Variants in PRKAR1B observed in about 807,000 individuals in gnomAD.
PRKAR1B encodes protein kinase cAMP-dependent type I regulatory subunit beta, also known as cAMP-dependent protein kinase type I-beta regulatory subunit.
A neutral mutation model predicts 46.5 loss-of-function variants in PRKAR1B; 22 were observed. The ratio of observed to expected loss-of-function variants is 0.47; its 90% CI spans 0.34 to 0.68. The LOEUF is 0.68. PRKAR1B is among the 30% of genes least tolerant of loss of function. PRKAR1B has a pLI of 0.01. For missense variants in PRKAR1B, 445 were observed against 535.6 expected (o/e 0.83, Z 1.67); for synonymous variants, 259 against 217.7 (o/e 1.19, Z -1.67).
intron 2 of PRKAR1B, among the ~76,000 whole-genome samples, chr7:692,321 A>G (rs1272303223): frequency 6.6e-6 from 1 of 152,196 alleles, no homozygotes; most frequent in East Asian, 1.9e-4. Flanking sequence ...AATCGATTGA[A>G]CCCAGGAGGT....
chr7:588,812 C>G (rs140440793), intron 7 of PRKAR1B, among the ~76,000 whole-genome samples: 1,573 of 8,112 alleles, frequency 0.19, 4 homozygotes, highest in East Asian at 0.26. Context: ...CAGTGGTGAT[C>G]ACGATGATGG....
chr7:702,083 C>A (rs771374845), intron 2 of PRKAR1B, among the ~76,000 whole-genome samples: 9 of 152,048 alleles, frequency 5.9e-5, no homozygotes, highest in Non-Finnish European at 1.0e-4. Flanking sequence ...ATGATACGTA[C>A]AACAACCAGA....
At chr7:711,580 G>C in intron 1 of PRKAR1B, 53 bp from the exon 2 acceptor site, 1 of 1,521,682 alleles carries the variant, frequency 6.6e-7, no homozygotes, top group Non-Finnish European at 9.0e-7. Flanking sequence ...GGGGCTGCGC[G>C]CCGGATAAAC....
chr7:726,677 T>A, intron 1 of PRKAR1B: 1 of 1,213,404 alleles, frequency 8.2e-7, no homozygotes, highest in Non-Finnish European at 1.0e-6. Context: ...GCGCTGAGAG[T>A]CGCGAAAGCG....
intron 9 of PRKAR1B, among the ~76,000 whole-genome samples, chr7:561,202 A>C (rs900810470): frequency 7.3e-5 from 11 of 150,496 alleles, no homozygotes; most frequent in African/African-American, 2.2e-4. Flanking sequence ...CACACCCCAC[A>C]CACATGCACA....
chr7:623,687 G>T (rs902656604), intron 4 of PRKAR1B, among the ~76,000 whole-genome samples: 1 of 152,138 alleles, frequency 6.6e-6, no homozygotes, highest in Non-Finnish European at 1.5e-5. Flanking sequence ...TCTCATATTC[G>T]GAGGCAAGCC....
At chr7:641,529 T>A (rs1040725797) in intron 4 of PRKAR1B, among the ~76,000 whole-genome samples, 1 of 151,402 alleles carries the variant, frequency 6.6e-6, no homozygotes, top group African/African-American at 2.4e-5. Context: ...AGCTCCAAAC[T>A]GAAAACAACC....
chr7:691,390 C>G, intron 2 of PRKAR1B: 1 of 914,218 alleles, frequency 1.1e-6, no homozygotes, highest in African/African-American at 1.7e-5. Context: ...AGTGAGATTC[C>G]AAATCCCCTG....
At chr7:634,302 G>A (rs975926564) in intron 4 of PRKAR1B, among the ~76,000 whole-genome samples, 1 of 151,936 alleles carries the variant, frequency 6.6e-6, no homozygotes, top group Non-Finnish European at 1.5e-5. Context: ...GATTACAGGC[G>A]TGAGCCACTG....
intron 2 of PRKAR1B, among the ~76,000 whole-genome samples, chr7:710,538 C>A (rs576782003): frequency 1.6e-4 from 24 of 152,278 alleles, no homozygotes; most frequent in Non-Finnish European, 1.5e-5. Context: ...TTCTCCCCGA[C>A]CACACGTGCC....
At chr7:685,208 A>G (rs1778937237) in intron 2 of PRKAR1B, among the ~76,000 whole-genome samples, 1 of 145,670 alleles carries the variant, frequency 6.9e-6, no homozygotes, top group African/African-American at 2.5e-5. Context: ...GTATATACAT[A>G]TATATAACAT....
chr7:622,803 C>T (rs140120938), intron 4 of PRKAR1B, among the ~76,000 whole-genome samples: 11 of 152,156 alleles, frequency 7.2e-5, no homozygotes, highest in South Asian at 2.1e-4. Flanking sequence ...CTTGTTCCAG[C>T]GCATACTAAT....
At chr7:707,551 TAACCTCAG>T (rs113213510) in intron 2 of PRKAR1B, among the ~76,000 whole-genome samples, 24,441 of 151,652 alleles carry the variant, frequency 0.16, 2,191 homozygotes, top group East Asian at 0.29. Flanking sequence ...TCTGGAGTCC[TAACCTCAG>T]AACCTCAGAA....
chr7:663,309 G>A (rs1478506849), intron 4 of PRKAR1B, among the ~76,000 whole-genome samples: 4 of 152,114 alleles, frequency 2.6e-5, no homozygotes, highest in African/African-American at 9.7e-5. Context: ...GCTCACCGTA[G>A]CTTCAACCTC....
At chr7:674,574 C>T (rs1477656557) in intron 4 of PRKAR1B, among the ~76,000 whole-genome samples, 7 of 152,048 alleles carry the variant, frequency 4.6e-5, no homozygotes, top group African/African-American at 1.7e-4. Context: ...ACTCTGGCCA[C>T]ATCTAGCTAC....
At position 695,824 on chromosome 7, in the gene PRKAR1B, C is replaced by T. The variant is rs149967442; in HGVS notation, c.178-15098G>A. ...GACTACAGGTGCCTGCCACCATGCC[C>T]GGCTAATTTTTTTGTATTTTTAGTA... On this transcript the variant is annotated intron_variant, in intron 2 of 10. Coordinates refer to ENST00000537384, the MANE Select transcript of PRKAR1B (RefSeq NM_001164760.2). Among the ~76,000 whole-genome samples, 261 of 151,694 alleles carry T rather than the reference C, an allele frequency of 1.7e-3. 1 individual carries two copies. Among genetic ancestry groups the T allele is most frequent in the African/African-American group, 6.0e-3 (247 of 41,328 alleles).
intron 4 of PRKAR1B, among the ~76,000 whole-genome samples, chr7:640,715 A>G (rs184308120): frequency 5.7e-4 from 86 of 151,704 alleles, no homozygotes; most frequent in African/African-American, 2.0e-3. Flanking sequence ...GTGAGCAGAG[A>G]TCCCACCATT....
At chr7:591,444 G>C (rs1020568868) in intron 7 of PRKAR1B, among the ~76,000 whole-genome samples, 5 of 152,208 alleles carry the variant, frequency 3.3e-5, no homozygotes, top group Non-Finnish European at 7.4e-5. Flanking sequence ...TCTTAACACC[G>C]GTCCCACCCA....
intron 9 of PRKAR1B, among the ~76,000 whole-genome samples, chr7:555,371 G>A (rs1583193456): frequency 6.6e-6 from 1 of 152,212 alleles, no homozygotes; most frequent in African/African-American, 2.4e-5. Context: ...GCCGTGCTCG[G>A]TGGTCTCTGG....
Sources: allele counts gnomAD v4.1 joint callset (sites outside exome capture counted in the v4.1 genomes callset), GRCh38; gene constraint gnomAD v4.1.1; transcripts MANE v1.5; gene names NCBI Gene and HGNC (gene_info 2026-07-23, HGNC 2026-07-21).